The following BBS9 variants were observed in gnomAD, a reference collection of about 807,000 sequenced individuals.
BBS9 encodes the protein Bardet-Biedl syndrome 9.
Under a neutral mutation model 117.7 loss-of-function variants are expected in BBS9, and 89 were observed. The observed-to-expected ratio is 0.76, with a 90% confidence interval of 0.64 to 0.90. BBS9 has a LOEUF of 0.90. Ranked by LOEUF, BBS9 falls within the 40% of genes least tolerant of loss-of-function variation. The pLI, the probability that BBS9 is intolerant of heterozygous loss-of-function variation, is 0.00. For synonymous variants in BBS9, 379 were observed against 370.9 expected (o/e 1.02, Z -0.25); for missense variants, 982 against 1,042.2 (o/e 0.94, Z 0.80).
chr7:33,558,768 G>T (rs1380851263), intron 21 of BBS9, among the ~76,000 whole-genome samples: 1 of 152,134 alleles, frequency 6.6e-6, no homozygotes, highest in Non-Finnish European at 1.5e-5. Flanking sequence ...GCTAAAGACT[G>T]CTCAGTTCTC....
At chr7:33,361,010 C>A (rs945399033) in intron 16 of BBS9, among the ~76,000 whole-genome samples, 4 of 152,052 alleles carry the variant, frequency 2.6e-5, no homozygotes, top group Non-Finnish European at 4.4e-5. Flanking sequence ...TATCTTACTA[C>A]AAGGTAGGAG....
chr7:33,238,912 T>C (rs966418541), intron 5 of BBS9, among the ~76,000 whole-genome samples: 1 of 152,222 alleles, frequency 6.6e-6, no homozygotes, highest in Non-Finnish European at 1.5e-5. Context: ...GAATTGTTTC[T>C]AATATTTTGC....
chr7:33,555,826 G>A (rs569890014), intron 21 of BBS9, among the ~76,000 whole-genome samples: 5 of 152,216 alleles, frequency 3.3e-5, no homozygotes, highest in African/African-American at 9.6e-5. Context: ...AGCCTTCCCT[G>A]AATATTCTAC....
At chr7:33,627,438 C>T (rs1350295914) in intron 21 of BBS9, among the ~76,000 whole-genome samples, 1 of 152,190 alleles carries the variant, frequency 6.6e-6, no homozygotes, top group Non-Finnish European at 1.5e-5. Context: ...CTTGGAGCCC[C>T]CACAAAAAGT....
intron 9 of BBS9, among the ~76,000 whole-genome samples, chr7:33,310,513 G>T (rs1040751186): frequency 1.3e-5 from 2 of 152,112 alleles, no homozygotes; most frequent in African/African-American, 4.8e-5. Flanking sequence ...CATCCAAATT[G>T]GGATATTTCT....
At chr7:33,263,349 A>T (rs918660595) in intron 6 of BBS9, among the ~76,000 whole-genome samples, 1 of 152,158 alleles carries the variant, frequency 6.6e-6, no homozygotes, top group South Asian at 2.1e-4. Flanking sequence ...ACACTCTCAG[A>T]TATCTGTGTC....
intron 20 of BBS9, among the ~76,000 whole-genome samples, chr7:33,520,223 A>G (rs965791809): frequency 3.9e-5 from 6 of 152,130 alleles, no homozygotes; most frequent in Non-Finnish European, 5.9e-5. Flanking sequence ...CGTCTTGGCC[A>G]GGCTGGTCTC....
intron 21 of BBS9, among the ~76,000 whole-genome samples, chr7:33,593,788 T>C (rs1238115064): frequency 1.3e-5 from 2 of 152,162 alleles, no homozygotes; most frequent in Non-Finnish European, 2.9e-5. Flanking sequence ...TGAAGCCCTG[T>C]TTACAGACTG....
chr7:33,365,993 A>G (rs1821636876), intron 16 of BBS9, among the ~76,000 whole-genome samples: 1 of 152,212 alleles, frequency 6.6e-6, no homozygotes. Context: ...ATGGATGGGC[A>G]TAGTGCAGCC....
chr7:33,286,086 C>A (rs933705155), intron 9 of BBS9, among the ~76,000 whole-genome samples: 6 of 151,938 alleles, frequency 3.9e-5, no homozygotes, highest in Non-Finnish European at 7.4e-5. Flanking sequence ...AGTTAGAATG[C>A]CAGTTGGGTT....
At position 33,527,771 on chromosome 7, in the gene BBS9, C is replaced by T. The variant is rs78196555; in HGVS notation, c.2299-6183C>T. Among the ~76,000 whole-genome samples, 6 of 152,328 alleles carry T rather than the reference C, an allele frequency of 3.9e-5. No homozygotes were observed. The East Asian group carries it at 1.2e-3, about 29-fold the overall frequency. On this transcript the variant is annotated intron_variant, in intron 20 of 22. Transcript: ENST00000242067. ...TTCTATTTGGCCATCTTGGCTCCTC[C>T]TCTCGGGCTGTTTTATTTTTCAAAG...
chr7:33,568,150 C>T (rs993988312), intron 21 of BBS9, among the ~76,000 whole-genome samples: 3 of 152,150 alleles, frequency 2.0e-5, no homozygotes, highest in Non-Finnish European at 2.9e-5. Context: ...CTCATGATTT[C>T]ATCATTGCTT....
intron 3 of BBS9, among the ~76,000 whole-genome samples, chr7:33,154,407 G>C (rs551358989): frequency 6.6e-6 from 1 of 152,150 alleles, no homozygotes; most frequent in Non-Finnish European, 1.5e-5. Flanking sequence ...AGAACAGTCT[G>C]TTCTAAACAG....
chr7:33,308,813 G>A (rs549553675), intron 9 of BBS9, among the ~76,000 whole-genome samples: 3 of 152,142 alleles, frequency 2.0e-5, no homozygotes, highest in African/African-American at 4.8e-5. Flanking sequence ...CTTCTATGGG[G>A]CAAATGAGAA....
intron 20 of BBS9, among the ~76,000 whole-genome samples, chr7:33,528,425 G>GT (rs1563310110): frequency 6.6e-6 from 1 of 151,658 alleles, no homozygotes; most frequent in East Asian, 1.9e-4. Context: ...GCATTTTGTG[G>GT]TTTTTCCCTA....
chr7:33,287,892 A>C (rs1490446079), intron 9 of BBS9, among the ~76,000 whole-genome samples: 1 of 152,130 alleles, frequency 6.6e-6, no homozygotes, highest in African/African-American at 2.4e-5. Context: ...TCCTCACTTA[A>C]ATTGTTTCAT....
intron 5 of BBS9, among the ~76,000 whole-genome samples, chr7:33,187,613 A>G (rs1362345466): frequency 6.6e-6 from 1 of 152,218 alleles, no homozygotes; most frequent in Non-Finnish European, 1.5e-5. Flanking sequence ...CTTGGAATAG[A>G]CAGATAAGGA....
intron 19 of BBS9, among the ~76,000 whole-genome samples, chr7:33,392,977 G>A (rs1050818655): frequency 1.3e-5 from 2 of 152,100 alleles, no homozygotes; most frequent in Non-Finnish European, 2.9e-5. Context: ...ATCCCTATGA[G>A]CAACATAAAG....
At position 33,239,393 on chromosome 7, in the gene BBS9, A is replaced by G. The variant is rs554875754; in HGVS notation, c.443-17843A>G. On this transcript the variant is annotated intron_variant, in intron 5 of 22. Transcript: ENST00000242067. ...CAATCTGCCCATGAACACACAGCCT[A>G]TGAGTGGTGGGTTATCTTTTTAACT... is the stretch of plus-strand genomic sequence containing the variant. Among the ~76,000 whole-genome samples, 289 of 152,048 alleles carry G rather than the reference A, an allele frequency of 1.9e-3. 1 individual carries two copies. The highest frequency in any genetic ancestry group is 6.2e-3 in the African/African-American group (257 of 41,524).
Sources: gnomAD v4.1 joint callset for allele counts (sites outside exome capture counted in the v4.1 genomes callset) on GRCh38, gnomAD v4.1.1 for gene constraint, MANE v1.5 for transcripts, NCBI Gene and HGNC (gene_info 2026-07-23, HGNC 2026-07-21) for gene names.